Variants in CES3 observed in about 807,000 individuals in gnomAD.
The protein encoded by CES3 is carboxylesterase 3, also known as carboxylesterase 3 (brain).
CES3 carries 49 observed loss-of-function variants against 57.6 expected under a neutral mutation model. That is an observed-to-expected ratio of 0.85 (90% confidence interval 0.68 to 1.08). The LOEUF is 1.08. Ranked by LOEUF, CES3 falls within the 50% of genes least tolerant of loss-of-function variation. The pLI is 0.00. For synonymous variants in CES3, 266 were observed against 281.6 expected, an observed-to-expected ratio of 0.94 and a Z score of 0.55; for missense variants, 645 against 742.0, an observed-to-expected ratio of 0.87 and a Z score of 1.52.
chr16:66,962,501 G>C (rs1383218448), intron 1 of CES3, among the ~76,000 whole-genome samples: 1 of 152,260 alleles, frequency 6.6e-6, no homozygotes, highest in African/African-American at 2.4e-5. Context: ...GCTCACACCT[G>C]TCGTCCCAGC....
Position 66,974,152 on chromosome 16 carries a change from G to T in CES3, c.*1103G>T, listed in dbSNP as rs944548012. On this transcript the variant is annotated 3_prime_UTR_variant, in exon 13 of 13. Transcript: ENST00000303334. The stretch of plus-strand genomic sequence containing the variant: ...ACAGCCCTCGCTTGCTCTCCCTGCC[G>T]CCTCTGCCTGGGCTCCCACTTTGGC... 6.5e-6 allele frequency: 1 copy of T among 152,790 alleles called. No homozygotes were observed. Among genetic ancestry groups the T allele is most frequent in the African/African-American group, 2.4e-5 (1 of 41,480 alleles). The allele number at this position is 152,790 out of a possible 1,614,324, so 9.5% of individuals were successfully genotyped here.
At chr16:66,972,216 A>G in intron 10 of CES3, 140 bp from the exon 11 acceptor site, 2 of 821,474 alleles carry the variant, frequency 2.4e-6, no homozygotes, top group Non-Finnish European at 3.7e-6. Flanking sequence ...GCAAGCGCTC[A>G]GTAAATGTTT....
At chr16:66,967,742 T>TTTG (rs1006534296) in intron 8 of CES3, 4 of 984,998 alleles carry the variant, frequency 4.1e-6, no homozygotes, top group Non-Finnish European at 4.8e-6. Flanking sequence ...GCAATCCATT[T>TTTG]TTGTTGTTGT....
chr16:66,964,575 C>A (rs1963703351), intron 5 of CES3, 48 bp from the exon 6 acceptor site: 2 of 1,610,866 alleles, frequency 1.2e-6, no homozygotes, highest in Non-Finnish European at 1.7e-6. Context: ...GAACTCCCAG[C>A]TCCTCTGCCC....
At chr16:66,962,756 G>C (rs902264765) in intron 1 of CES3, among the ~76,000 whole-genome samples, 1 of 152,230 alleles carries the variant, frequency 6.6e-6, no homozygotes, top group African/African-American at 2.4e-5. Context: ...AATTAGCCAG[G>C]CGTTGTGGTG....
At position 66,963,518 on chromosome 16, in the gene CES3, C is replaced by T. The variant is rs1167024708; in HGVS notation, c.315C>T (p.Asn105=). The stretch of plus-strand genomic sequence containing the variant: ...GCCTACAAGACGTGGAGAGCATGAA[C>T]AGCAGCAGATTTGTCCTCAACGGAA... ...PMCLQDVESM[N]SSRFVLNGKQ... is the part of the protein sequence containing the mutation. The change falls in exon 3 of 13, where the codon AAC becomes AAT. Residue 105 remains asparagine (N), a synonymous_variant. Transcript: ENST00000303334. The surrounding 1 kb of genome is among the most constrained non-coding windows in gnomAD (Gnocchi z 4.9). 2.5e-6 allele frequency: 4 copies of T among 1,613,984 alleles called. No homozygotes were observed.
chr16:66,964,342 C>T lies in CES3; in HGVS notation c.561-15C>T. ...AGCCAGGCTGAACTAACCGTTGCCC[C>T]AACACTGCCCCCAGCACTGGAGATG... On this transcript the variant is annotated splice_polypyrimidine_tract_variant and intron_variant, in intron 4 of 12. Coordinates refer to ENST00000303334, the MANE Select transcript of CES3 (RefSeq NM_024922.6). 1.9e-6 allele frequency: 3 copies of T among 1,612,374 alleles called. No individual in the cohort carries two copies. Among genetic ancestry groups the T allele is most frequent in the South Asian group, 2.2e-5 (2 of 90,930 alleles).
chr16:66,963,121 C>T lies in CES3; in HGVS notation c.83-58C>T. 1.9e-6 allele frequency: 3 copies of T among 1,556,424 alleles called. No homozygotes were observed. The highest frequency in any genetic ancestry group is 2.7e-6 in the Non-Finnish European group (3 of 1,127,590). ...GAACAGCCTGAGGGTTTGTCTTTCA[C>T]TCCTTCCCCTCATGGGGGCTGCAAA... On this transcript the variant is annotated intron_variant, in intron 1 of 12. Coordinates refer to ENST00000303334, the MANE Select transcript of CES3 (RefSeq NM_024922.6). The surrounding 1 kb of genome is among the most constrained non-coding windows in gnomAD (Gnocchi z 4.9).
In CES3 at chr16:66,972,520, A is replaced by T. The variant is rs1324925972; in HGVS notation, c.1441+15A>T. ...CTCCCGCCTGGGTGAGGACAGACAG[A>T]CAGACATGTGATCCCTAGGCTGCCA... On this transcript the variant is annotated intron_variant, in intron 11 of 12. Transcript: ENST00000303334. 1 of 1,609,614 alleles carries T rather than the reference A, an allele frequency of 6.2e-7. No individual in the cohort carries two copies. The highest frequency in any genetic ancestry group is 2.2e-5 in the East Asian group (1 of 44,814).
chr16:66,964,007 C>G (rs1358812406), intron 4 of CES3, 72 bp downstream of exon 4: 1 of 1,581,594 alleles, frequency 6.3e-7, no homozygotes. Context: ...AACTGGGGAT[C>G]TAGGTTGGGG....
intron 7 of CES3, 79 bp downstream of exon 7, chr16:66,966,424 C>T: frequency 1.4e-6 from 2 of 1,398,524 alleles, no homozygotes; most frequent in East Asian, 2.4e-5. Flanking sequence ...AGCAGAGGGG[C>T]AGTCTACCCC....
Position 66,973,586 on chromosome 16 carries a change from C to G in CES3, c.*537C>G, listed in dbSNP as rs964482017. ...GCAGCTGCTGAACTTGAACCCAGAG[C>G]CTTCAGGTGCCAAAGCCATACTCAG... On this transcript the variant is annotated 3_prime_UTR_variant, in exon 13 of 13. Transcript: ENST00000303334. The G allele has an allele frequency of 3.2e-5, 5 of 154,946 alleles. No homozygotes were observed. The highest frequency in any genetic ancestry group is 1.2e-4 in the African/African-American group (5 of 41,458). 9.6% of individuals were successfully genotyped at this position (154,946 alleles called of 1,614,324 possible).
intron 4 of CES3, 118 bp from the exon 5 acceptor site, chr16:66,964,239 C>CA (rs1963697254): frequency 7.2e-7 from 1 of 1,380,102 alleles, no homozygotes; most frequent in Non-Finnish European, 9.8e-7. Flanking sequence ...GGCTCCCAGA[C>CA]AGGCCAGACC....
At position 66,963,331 on chromosome 16, in the gene CES3, C is replaced by A. The variant is rs1963677565; in HGVS notation, c.235C>A (p.His79Asn). Reference protein sequence around the residue: ...PLGPDRFSAPHPAQPWEGVRD... With the variant: ...PLGPDRFSAPNPAQPWEGVRD... ...GGGCCCTGACCGGTTCTCAGCCCCACACCCAGCACAGCCCTGGGAGGGTGT... is the reference window on the plus strand; with the variant it reads ...GGGCCCTGACCGGTTCTCAGCCCCAAACCCAGCACAGCCCTGGGAGGGTGT... The change falls in exon 2 of 13, where the codon CAC becomes AAC. Residue 79 changes from histidine (H) to asparagine (N), a missense_variant. By Grantham distance (68) the His-to-Asn change is moderately conservative. Transcript: ENST00000303334. The surrounding 1 kb of genome is among the most constrained non-coding windows in gnomAD (Gnocchi z 4.9). 2 of 1,613,534 alleles carry A rather than the reference C, an allele frequency of 1.2e-6. No homozygotes were observed. Among genetic ancestry groups the A allele is most frequent in the Non-Finnish European group, 1.7e-6 (2 of 1,180,038 alleles).
intron 1 of CES3, chr16:66,962,930 G>C (rs1963670270): frequency 4.4e-6 from 3 of 675,476 alleles, no homozygotes; most frequent in Admixed American, 4.1e-5. Flanking sequence ...AAATGGGCAA[G>C]TGGCTGGCCC....
At chr16:66,964,899 T>C (rs540526376) in intron 6 of CES3, among the ~76,000 whole-genome samples, 172 bp downstream of exon 6, 1 of 152,256 alleles carries the variant, frequency 6.6e-6, no homozygotes, top group East Asian at 1.9e-4. Flanking sequence ...TTCCAGCATA[T>C]TGGCACTCAG....
In CES3 at chr16:66,972,911, T is replaced by A; in HGVS notation, c.1578T>A (p.Tyr526Ter). The A allele has an allele frequency of 1.2e-6, 2 of 1,614,066 alleles. No individual in the cohort carries two copies. The highest frequency in any genetic ancestry group is 2.2e-5 in the East Asian group (1 of 44,872). ...PWPQFNQAEQ[Y>*]LEINPVPRAG... ...CCCAATTCAACCAGGCGGAACAATATCTGGAGATCAACCCAGTGCCACGGG... is the reference window on the plus strand; with the variant it reads ...CCCAATTCAACCAGGCGGAACAATAACTGGAGATCAACCCAGTGCCACGGG... Residue 526 changes from tyrosine (Y) to a stop codon, truncating the protein, a stop_gained, in exon 13 of 13, where the codon TAT becomes TAA. Transcript: ENST00000303334. LOFTEE classifies it low-confidence loss of function (END_TRUNC).
At position 66,973,307 on chromosome 16, in the gene CES3, T is replaced by G; in HGVS notation, c.*258T>G. On this transcript the variant is annotated 3_prime_UTR_variant, in exon 13 of 13. Coordinates refer to ENST00000303334, the MANE Select transcript of CES3 (RefSeq NM_024922.6). ...CGTGGTAGGTTCTAGCACATTCCTCTAGCTTCCTGGAGGACTCACTCCCCC... is the reference window on the plus strand; with the variant it reads ...CGTGGTAGGTTCTAGCACATTCCTCGAGCTTCCTGGAGGACTCACTCCCCC... The G allele has an allele frequency of 4.9e-6, 2 of 410,036 alleles. No homozygotes were observed. Among genetic ancestry groups the G allele is most frequent in the Admixed American group, 3.9e-5 (1 of 25,396 alleles). 25.4% of individuals were successfully genotyped at this position (410,036 alleles called of 1,614,324 possible). A position where few individuals can be genotyped will look rare whatever the true frequency, so the allele number is the denominator to read the frequency against.
intron 11 of CES3, 77 bp downstream of exon 11, chr16:66,972,582 G>T: frequency 7.5e-6 from 12 of 1,607,632 alleles, no homozygotes; most frequent in Non-Finnish European, 9.4e-6. Context: ...GCAGGAACAC[G>T]GGTCTCCAGT....
Sources: gnomAD v4.1 joint callset for allele counts (sites outside exome capture counted in the v4.1 genomes callset) on GRCh38, gnomAD v4.1.1 for gene constraint, Gnocchi (gnomAD v3.1) non-coding constraint, MANE v1.5 for transcripts, NCBI Gene and HGNC (gene_info 2026-07-23, HGNC 2026-07-21) for gene names.